The following TBP variants were observed in gnomAD, a reference collection of about 807,000 sequenced individuals.
TBP encodes the protein TATA-box-binding protein.
A neutral mutation model predicts 46.2 loss-of-function variants in TBP; 12 were observed. The observed-to-expected ratio is 0.26, with a 90% confidence interval of 0.17 to 0.42. The LOEUF is 0.42. Among genes scored for constraint, TBP ranks in the 10% least tolerant of loss-of-function variants. The pLI is 1.00. For synonymous variants in TBP, 157 were observed against 148.3 expected (o/e 1.06, Z -0.42); for missense variants, 229 against 403.1 (o/e 0.57, Z 3.70).
intron 6 of TBP, among the ~76,000 whole-genome samples, chr6:170,570,268 G>A (rs981323320): frequency 1.3e-5 from 2 of 152,146 alleles, no homozygotes; most frequent in African/African-American, 2.4e-5. Flanking sequence ...TGGTCTTCTG[G>A]TGTCTGTTCA....
intron 3 of TBP, among the ~76,000 whole-genome samples, 177 bp downstream of exon 3, chr6:170,562,410 G>A (rs1321249584): frequency 6.6e-6 from 1 of 152,176 alleles, no homozygotes; most frequent in Non-Finnish European, 1.5e-5. Context: ...CTTAGTCAGT[G>A]TCCTCAGTAA....
chr6:170,566,020 G>A (rs1779239867), intron 4 of TBP, among the ~76,000 whole-genome samples: 1 of 151,938 alleles, frequency 6.6e-6, no homozygotes, highest in South Asian at 2.1e-4. Flanking sequence ...GCTGCAGTGA[G>A]CCATGATTGC....
In TBP at chr6:170,561,918, A is replaced by AGC; in HGVS notation, c.182_183insGC (p.Gln62HisfsTer83). 1 of 1,568,558 alleles carries AGC rather than the reference A, an allele frequency of 6.4e-7. No individual in the cohort carries two copies. The highest frequency in any genetic ancestry group is 8.6e-7 in the Non-Finnish European group (1 of 1,168,620). On this transcript the variant is annotated frameshift_variant, in exon 3 of 8. Coordinates refer to ENST00000392092, the MANE Select transcript of TBP (RefSeq NM_003194.5). LOFTEE classifies it high-confidence loss of function. ...GAAGAGCAACAAAGGCAGCAGCAGC[A>AGC]ACAACAACAGCAGCAGCAGCAGCAG...
chr6:170,569,257 A>G (rs994960614), intron 5 of TBP, among the ~76,000 whole-genome samples: 8 of 152,394 alleles, frequency 5.2e-5, no homozygotes, highest in South Asian at 2.1e-4. Context: ...AAATCTCATC[A>G]ACATTTTCTG....
At chr6:170,558,649 A>G (rs1447188781) in intron 2 of TBP, among the ~76,000 whole-genome samples, 2 of 133,634 alleles carry the variant, frequency 1.5e-5, no homozygotes, top group South Asian at 5.1e-4. Context: ...AAACTTTTTC[A>G]TTATTATCCG....
At chr6:170,554,960 C>T (rs1005247864) in intron 1 of TBP, among the ~76,000 whole-genome samples, 3 of 152,194 alleles carry the variant, frequency 2.0e-5, no homozygotes, top group African/African-American at 7.2e-5. Context: ...TCTCTCGGTT[C>T]AGGCCATCAT....
intron 3 of TBP, 133 bp downstream of exon 3, chr6:170,562,366 T>G (rs1779166183): frequency 1.9e-6 from 2 of 1,031,834 alleles, no homozygotes; most frequent in Admixed American, 2.8e-5. Context: ...AAAATTTGCT[T>G]TATCTCACAT....
chr6:170,569,800 G>C (rs766351185), intron 6 of TBP, 21 bp downstream of exon 6: 2 of 1,596,934 alleles, frequency 1.3e-6, no homozygotes, highest in Admixed American at 3.5e-5. Context: ...AATGTATTAT[G>C]ATTGTTATTG....
chr6:170,559,883 A>G (rs1309445192), intron 2 of TBP, among the ~76,000 whole-genome samples: 5 of 152,202 alleles, frequency 3.3e-5, no homozygotes, highest in African/African-American at 7.2e-5. Flanking sequence ...ATTGAAGCCA[A>G]TGCTCATGTT....
chr6:170,566,158 T>C (rs1779243280), intron 4 of TBP, among the ~76,000 whole-genome samples: 1 of 152,168 alleles, frequency 6.6e-6, no homozygotes, highest in African/African-American at 2.4e-5. Context: ...TAGAAACATG[T>C]AGGTTTTTAT....
chr6:170,568,229 T>C (rs1779301049), intron 5 of TBP, among the ~76,000 whole-genome samples: 1 of 152,178 alleles, frequency 6.6e-6, no homozygotes, highest in Non-Finnish European at 1.5e-5. Context: ...AAACTTTTGG[T>C]TTATCAAGGC....
rs749830313 is a variant in TBP at position 170,572,279 on chromosome 6, C to T, written c.*14C>T. ...AAGACGACGTAATGGCTCTCATGTA[C>T]CCTTGCCTCCCCCACCCCCTTCTTT... On this transcript the variant is annotated 3_prime_UTR_variant, in exon 8 of 8. Transcript: ENST00000392092. The T allele has an allele frequency of 1.9e-6, 3 of 1,585,386 alleles. No homozygotes were observed. The highest frequency in any genetic ancestry group is 2.7e-5 in the African/African-American group (2 of 73,932).
At chr6:170,560,980 T>C (rs1779128561) in intron 2 of TBP, among the ~76,000 whole-genome samples, 1 of 152,184 alleles carries the variant, frequency 6.6e-6, no homozygotes, top group Non-Finnish European at 1.5e-5. Flanking sequence ...TGCTGTCAAA[T>C]AGTATCATAT....
At chr6:170,564,473 A>AT (rs1779207043) in intron 3 of TBP, 72 bp from the exon 4 acceptor site, 1 of 1,074,230 alleles carries the variant, frequency 9.3e-7, no homozygotes, top group Non-Finnish European at 1.4e-6. Context: ...ATGTCTGCAT[A>AT]ATTTCTAACG....
intron 2 of TBP, among the ~76,000 whole-genome samples, chr6:170,557,368 A>C (rs1040672195): frequency 1.3e-5 from 2 of 152,064 alleles, no homozygotes; most frequent in African/African-American, 4.8e-5. Context: ...TTTGAAAATC[A>C]CCCTCACCAA....
intron 3 of TBP, among the ~76,000 whole-genome samples, chr6:170,564,221 G>A (rs1779201187): frequency 6.6e-6 from 1 of 152,198 alleles, no homozygotes; most frequent in Non-Finnish European, 1.5e-5. Flanking sequence ...GCAGGCTCTG[G>A]AGACAGACAG....
At chr6:170,564,687 T>C in intron 4 of TBP, 55 bp downstream of exon 4, 1 of 1,217,216 alleles carries the variant, frequency 8.2e-7, no homozygotes, top group East Asian at 2.6e-5. Context: ...TCCTCTGCCG[T>C]GTCTCTATAT....
At chr6:170,566,783 C>T (rs1375236133) in intron 4 of TBP, 135 bp from the exon 5 acceptor site, 9 of 605,232 alleles carry the variant, frequency 1.5e-5, no homozygotes, top group African/African-American at 3.6e-5. Flanking sequence ...TACAGAAATA[C>T]AGAACAAATA....
Position 170,561,913 on chromosome 6 carries a change from G to A in TBP, c.177G>A (p.Gln59=). The change falls in exon 3 of 8, where the codon CAG becomes CAA. Residue 59 remains glutamine, a synonymous_variant. Coordinates refer to ENST00000392092, the MANE Select transcript of TBP (RefSeq NM_003194.5). Reference sequence around the variant, plus strand: ...TTTTGGAAGAGCAACAAAGGCAGCAGCAGCAACAACAACAGCAGCAGCAGC... The same window carrying A: ...TTTTGGAAGAGCAACAAAGGCAGCAACAGCAACAACAACAGCAGCAGCAGC... ...LSILEEQQRQ[Q]QQQQQQQQQQ... 2 of 1,581,098 alleles carry A rather than the reference G, an allele frequency of 1.3e-6. No individual in the cohort carries two copies. The highest frequency in any genetic ancestry group is 1.1e-5 in the South Asian group (1 of 89,614).
Sources: allele counts gnomAD v4.1 joint callset (sites outside exome capture counted in the v4.1 genomes callset), GRCh38; gene constraint gnomAD v4.1.1; transcripts MANE v1.5; gene names NCBI Gene and HGNC (gene_info 2026-07-23, HGNC 2026-07-21).